Variants in SLC18A1 observed in about 807,000 individuals in gnomAD.
SLC18A1 encodes the protein solute carrier family 18 member A1.
In SLC18A1, 69 loss-of-function variants were observed where a neutral mutation model predicts 53.7. That is an observed-to-expected ratio of 1.28 (90% confidence interval 1.06 to 1.57). The LOEUF (loss-of-function observed/expected upper bound fraction) is 1.57, where lower values mean the gene tolerates loss of function less well. SLC18A1 is among the 40% of genes most tolerant of loss of function. The pLI, the probability that SLC18A1 is intolerant of heterozygous loss-of-function variation, is 0.00. For missense variants in SLC18A1, 932 were observed against 668.1 expected, an observed-to-expected ratio of 1.40 and a Z score of -4.35; for synonymous variants, 320 against 248.1, an observed-to-expected ratio of 1.29 and a Z score of -2.72.
chr8:20,178,225 A>G (rs1020092891), intron 4 of SLC18A1, among the ~76,000 whole-genome samples: 1 of 152,128 alleles, frequency 6.6e-6, no homozygotes, highest in African/African-American at 2.4e-5. Context: ...CTGTTCTTCT[A>G]TAGCAGAATA....
At chr8:20,176,034 C>T (rs1171742790) in intron 4 of SLC18A1, 2 of 152,170 alleles carry the variant, frequency 1.3e-5, no homozygotes, top group East Asian at 1.9e-4. Flanking sequence ...GGAAGTCTTA[C>T]ATCCTGGGAA....
At chr8:20,167,965 G>C (rs917590790) in intron 8 of SLC18A1, among the ~76,000 whole-genome samples, 1 of 151,914 alleles carries the variant, frequency 6.6e-6, no homozygotes, top group Non-Finnish European at 1.5e-5. Context: ...ACAAGAACCT[G>C]GGCTCCTTGG....
intron 8 of SLC18A1, among the ~76,000 whole-genome samples, chr8:20,167,234 T>A (rs1254060405): frequency 2.0e-5 from 3 of 152,066 alleles, no homozygotes; most frequent in Admixed American, 6.6e-5. Context: ...GGAAGTACGG[T>A]AATTTCTAGA....
At chr8:20,166,287 G>GTGTGTGTGTATA (rs1235212014) in intron 8 of SLC18A1, among the ~76,000 whole-genome samples, 23 of 78,990 alleles carry the variant, frequency 2.9e-4, no homozygotes, top group African/African-American at 1.2e-3. Context: ...GTGTGTGTGT[G>GTGTGTGTGTATA]TCTATATATA....
chr8:20,152,667 G>T (rs1585193830), intron 10 of SLC18A1, among the ~76,000 whole-genome samples: 1 of 152,172 alleles, frequency 6.6e-6, no homozygotes, highest in African/African-American at 2.4e-5. Flanking sequence ...CTGTCAGGCA[G>T]TTAGATACTT....
In SLC18A1 at chr8:20,150,692, A is replaced by G. The variant is rs1344350357; in HGVS notation, c.1068T>C (p.Phe356=). 1.2e-6 allele frequency: 2 copies of G among 1,614,160 alleles called. No individual in the cohort carries two copies. The highest frequency in any genetic ancestry group is 2.7e-5 in the African/African-American group (2 of 75,030). ...GACCCATCTTGTTGGCCAACACACC[A>G]AAGAGGTTGGTGCCAATGAGGTAGG... is the stretch of plus-strand genomic sequence containing the variant. ...SVSYLIGTNL[F]GVLANKMGRW... The change falls in exon 11 of 16, where the codon TTT becomes TTC. Residue 356 remains phenylalanine (F), a synonymous_variant. Coordinates refer to ENST00000276373, the MANE Select transcript of SLC18A1 (RefSeq NM_003053.4).
At chr8:20,175,554 G>A (rs568365090) in intron 4 of SLC18A1, 1 of 152,282 alleles carries the variant, frequency 6.6e-6, no homozygotes, top group South Asian at 2.1e-4. Flanking sequence ...CATGATTTAT[G>A]TTCTTCTGTC....
At chr8:20,161,076 G>A (rs577614910) in intron 10 of SLC18A1, among the ~76,000 whole-genome samples, 15 of 152,156 alleles carry the variant, frequency 9.9e-5, no homozygotes, top group African/African-American at 2.4e-4. Context: ...TTCTACCCCC[G>A]GCCTCCAAAA....
chr8:20,150,704 G>A lies in SLC18A1; in HGVS notation c.1056C>T (p.Gly352=), dbSNP rs142234750. ...TGGCCAACACACCAAAGAGGTTGGT[G>A]CCAATGAGGTAGGACACACTGGCAG... ...FLPASVSYLI[G]TNLFGVLANK... is the part of the protein sequence containing the mutation. Residue 352 remains glycine, a synonymous_variant, in exon 11 of 16, where the codon GGC becomes GGT. Transcript: ENST00000276373. 2.5e-5 allele frequency: 40 copies of A among 1,614,124 alleles called. No homozygotes were observed. The African/African-American group carries it at 5.2e-4, about 21-fold the overall frequency.
intron 10 of SLC18A1, among the ~76,000 whole-genome samples, chr8:20,153,637 A>G (rs1483592409): frequency 1.3e-5 from 2 of 151,626 alleles, no homozygotes; most frequent in Non-Finnish European, 2.9e-5. Context: ...ACTGCACTCC[A>G]GCCTGGGCGA....
chr8:20,161,572 T>C (rs1322269647), intron 10 of SLC18A1, among the ~76,000 whole-genome samples: 1 of 152,170 alleles, frequency 6.6e-6, no homozygotes, highest in African/African-American at 2.4e-5. Flanking sequence ...TGAGGAGTCC[T>C]AGAACCACTC....
At chr8:20,147,437 A>T (rs2071429681) in intron 14 of SLC18A1, 46 bp from the exon 15 acceptor site, 1 of 1,586,990 alleles carries the variant, frequency 6.3e-7, no homozygotes, top group Non-Finnish European at 8.6e-7. Flanking sequence ...GAGCCTCCAT[A>T]TGGAGCATCC....
chr8:20,161,260 G>A (rs191840289), intron 10 of SLC18A1, among the ~76,000 whole-genome samples: 6 of 152,078 alleles, frequency 3.9e-5, no homozygotes, highest in Admixed American at 1.3e-4. Context: ...AGCTGTGAGC[G>A]TGTGAAATCA....
intron 8 of SLC18A1, among the ~76,000 whole-genome samples, chr8:20,169,099 C>T (rs2072045570): frequency 6.6e-6 from 1 of 152,102 alleles, no homozygotes; most frequent in African/African-American, 2.4e-5. Context: ...TCAAAATGGA[C>T]ATCACCACTG....
chr8:20,162,558 T>C (rs924102074), intron 10 of SLC18A1, among the ~76,000 whole-genome samples: 1 of 152,242 alleles, frequency 6.6e-6, no homozygotes, highest in African/African-American at 2.4e-5. Context: ...ATATTTCTTC[T>C]GCCAGATATC....
chr8:20,157,573 C>T (rs909600982), intron 10 of SLC18A1, among the ~76,000 whole-genome samples: 1 of 152,168 alleles, frequency 6.6e-6, no homozygotes, highest in Non-Finnish European at 1.5e-5. Context: ...AATCCTACTG[C>T]CTTTCTGGAG....
intron 10 of SLC18A1, among the ~76,000 whole-genome samples, chr8:20,156,369 C>A (rs2071681933): frequency 6.6e-6 from 1 of 151,652 alleles, no homozygotes; most frequent in Non-Finnish European, 1.5e-5. Context: ...TCCCTTAACC[C>A]AGCCAATTTC....
intron 10 of SLC18A1, among the ~76,000 whole-genome samples, chr8:20,163,037 A>G (rs1425624255): frequency 1.3e-5 from 2 of 152,170 alleles, no homozygotes; most frequent in Non-Finnish European, 2.9e-5. Flanking sequence ...AGAGTGCATG[A>G]TTTATCAATG....
In SLC18A1 at chr8:20,176,362, G is replaced by T. The variant is rs573983703; in HGVS notation, c.548-1918C>A. Among the ~76,000 whole-genome samples, 13 of 152,212 alleles carry T rather than the reference G, an allele frequency of 8.5e-5. No individual in the cohort carries two copies. The East Asian group carries it at 2.5e-3, about 29-fold the overall frequency. On this transcript the variant is annotated intron_variant, in intron 4 of 15. Transcript: ENST00000276373. ...GAGGCCCGCACCAGAAGCAGATGCT[G>T]GTGTCATGCTTCTTGTAGAGCCTGC...
Sources: allele counts gnomAD v4.1 joint callset (sites outside exome capture counted in the v4.1 genomes callset), GRCh38; gene constraint gnomAD v4.1.1; transcripts MANE v1.5; gene names NCBI Gene and HGNC (gene_info 2026-07-23, HGNC 2026-07-21).